CSMD3: variants seen among roughly 807,000 people sequenced by gnomAD.
CSMD3 encodes CUB and Sushi multiple domains 3.
A neutral mutation model predicts 435.2 loss-of-function variants in CSMD3; 177 were observed. The observed-to-expected ratio is 0.41, with a 90% CI of 0.36 to 0.46. CSMD3 has a LOEUF of 0.46. CSMD3 is among the 20% of genes least tolerant of loss of function. The pLI, the probability that CSMD3 is intolerant of heterozygous loss-of-function variation, is 0.34. For missense variants in CSMD3, 4,265 were observed against 4,504.6 expected (o/e 0.95, Z 1.52); for synonymous variants, 1,656 against 1,520.5 (o/e 1.09, Z -2.07).
chr8:112,407,964 A>G (rs1465567237), intron 34 of CSMD3, among the ~76,000 whole-genome samples: 2 of 151,994 alleles, frequency 1.3e-5, no homozygotes, highest in Non-Finnish European at 2.9e-5. Flanking sequence ...CAAAATTTTT[A>G]TATCTTTAAT....
intron 5 of CSMD3, among the ~76,000 whole-genome samples, chr8:113,055,832 A>C (rs2088309307): frequency 6.6e-6 from 1 of 152,150 alleles, no homozygotes; most frequent in South Asian, 2.1e-4. Context: ...TTATTTATCA[A>C]GTTGAGGTAC....
intron 35 of CSMD3, among the ~76,000 whole-genome samples, chr8:112,400,503 A>T (rs755387892): frequency 1.3e-5 from 2 of 152,160 alleles, no homozygotes; most frequent in Non-Finnish European, 2.9e-5. Context: ...CAGTGTAAGG[A>T]TTCTCAAAAA....
chr8:112,886,171 T>C (rs920159472), intron 10 of CSMD3, among the ~76,000 whole-genome samples: 1 of 151,660 alleles, frequency 6.6e-6, no homozygotes, highest in Admixed American at 6.6e-5. Context: ...AATAAATCTT[T>C]AATATAAATA....
chr8:112,973,285 TA>T (rs138889434), intron 7 of CSMD3, among the ~76,000 whole-genome samples: 12 of 151,884 alleles, frequency 7.9e-5, no homozygotes, highest in African/African-American at 2.7e-4. Context: ...CTGAAATATC[TA>T]AAAAAATTAA....
At chr8:112,900,194 A>G (rs2082073989) in intron 10 of CSMD3, among the ~76,000 whole-genome samples, 1 of 151,208 alleles carries the variant, frequency 6.6e-6, no homozygotes, top group African/African-American at 2.4e-5. Context: ...CTTGGGATTC[A>G]GTAGGCTATT....
chr8:113,415,434 G>A (rs2094577632), intron 1 of CSMD3, among the ~76,000 whole-genome samples: 2 of 152,170 alleles, frequency 1.3e-5, no homozygotes, highest in East Asian at 1.9e-4. Context: ...AAAGAATAAA[G>A]CATCAACGTA....
chr8:113,369,709 G>C (rs1441806217), intron 1 of CSMD3, among the ~76,000 whole-genome samples: 1 of 151,824 alleles, frequency 6.6e-6, no homozygotes, highest in South Asian at 2.1e-4. Context: ...ATACACAATG[G>C]AATATTATTA....
At chr8:112,389,770 G>A (rs1470530918) in intron 36 of CSMD3, among the ~76,000 whole-genome samples, 4 of 152,104 alleles carry the variant, frequency 2.6e-5, no homozygotes, top group Admixed American at 6.6e-5. Context: ...TATCTGTGAA[G>A]GCTAGATAAT....
At chr8:112,638,610 T>A (rs375246314) in intron 21 of CSMD3, 86 bp downstream of exon 21, 1 of 808,356 alleles carries the variant, frequency 1.2e-6, no homozygotes, top group Non-Finnish European at 2.1e-6. Flanking sequence ...TATTTTTCAC[T>A]GTTTTATCAT....
At chr8:112,696,382 G>T (rs2076256489) in intron 13 of CSMD3, among the ~76,000 whole-genome samples, 1 of 152,086 alleles carries the variant, frequency 6.6e-6, no homozygotes, top group Admixed American at 6.5e-5. Context: ...CAGACACATA[G>T]ACCAATGGAA....
intron 13 of CSMD3, among the ~76,000 whole-genome samples, chr8:112,786,738 G>T (rs562670833): frequency 1.6e-4 from 24 of 152,040 alleles, no homozygotes; most frequent in Admixed American, 9.2e-4. Flanking sequence ...TGATAAAAAA[G>T]ACTTTTTTTA....
chr8:113,181,923 G>A (rs373100713), intron 3 of CSMD3, among the ~76,000 whole-genome samples: 3 of 151,984 alleles, frequency 2.0e-5, no homozygotes, highest in African/African-American at 7.2e-5. Context: ...TTTGGATAAA[G>A]GTAATTTAAT....
intron 6 of CSMD3, among the ~76,000 whole-genome samples, chr8:113,008,427 C>T (rs1406719351): frequency 4.0e-5 from 6 of 151,768 alleles, no homozygotes; most frequent in East Asian, 1.9e-4. Flanking sequence ...TGCCATAAGA[C>T]GGCTGCTCAC....
chr8:112,290,516 A>T (rs62514392), intron 56 of CSMD3, among the ~76,000 whole-genome samples: 2,774 of 152,088 alleles, frequency 0.018, 36 homozygotes, highest in Non-Finnish European at 0.025. Flanking sequence ...TTTAATCAGC[A>T]GGCCAAATTA....
chr8:112,431,452 C>T (rs1813699589), intron 32 of CSMD3, among the ~76,000 whole-genome samples: 1 of 151,718 alleles, frequency 6.6e-6, no homozygotes, highest in Non-Finnish European at 1.5e-5. Flanking sequence ...GTATTTTATA[C>T]ATAAAACATA....
chr8:112,329,501 G>T (rs1434078596), intron 45 of CSMD3, among the ~76,000 whole-genome samples: 1 of 151,954 alleles, frequency 6.6e-6, no homozygotes, highest in Non-Finnish European at 1.5e-5. Flanking sequence ...CAATCCAGAA[G>T]AAAATTATGT....
In CSMD3 at chr8:112,244,453, G is replaced by C. The variant is rs774741809; in HGVS notation, c.10343C>G (p.Thr3448Arg). 2 of 1,613,876 alleles carry C rather than the reference G, an allele frequency of 1.2e-6. No individual in the cohort carries two copies. Among genetic ancestry groups the C allele is most frequent in the East Asian group, 2.2e-5 (1 of 44,864 alleles). ...ATCGGATCTACACACTCTATGTTCT[G>C]TTCCACCTGCTAAGAAGAAGCCAGG... ...CQPGFFLAGG[T>R]EHRVCRSDNT... Residue 3448 changes from threonine to arginine, a missense_variant, in exon 65 of 71, where the codon ACA becomes AGA. This residue lies in a region of CSMD3 where 3,255 missense variants were observed against 3,380.2 expected (regional missense o/e 0.96). Coordinates refer to ENST00000297405, the MANE Select transcript of CSMD3 (RefSeq NM_198123.2).
intron 53 of CSMD3, among the ~76,000 whole-genome samples, chr8:112,297,524 T>G (rs1349755754): frequency 6.6e-6 from 1 of 152,062 alleles, no homozygotes; most frequent in Non-Finnish European, 1.5e-5. Flanking sequence ...CAAAATGCAG[T>G]GCCTATTCAC....
At chr8:112,642,024 G>A (rs994875463) in intron 20 of CSMD3, among the ~76,000 whole-genome samples, 71 of 151,938 alleles carry the variant, frequency 4.7e-4, no homozygotes, top group African/African-American at 1.5e-3. Context: ...TTTCAATATC[G>A]TAATTACTTC....
Sources: allele counts gnomAD v4.1 joint callset (sites outside exome capture counted in the v4.1 genomes callset), GRCh38; gene constraint gnomAD v4.1.1; regional missense constraint gnomAD v4.1.1; transcripts MANE v1.5; gene names NCBI Gene and HGNC (gene_info 2026-07-23, HGNC 2026-07-21).